The following DNAH5 variants were observed in gnomAD, a reference collection of about 807,000 sequenced individuals.
DNAH5 encodes dynein axonemal heavy chain 5, also known as axonemal beta dynein heavy chain 5.
A neutral mutation model predicts 518.2 loss-of-function variants in DNAH5; 372 were observed. The observed-to-expected ratio is 0.72, with a 90% confidence interval of 0.66 to 0.78. DNAH5 has a LOEUF of 0.78. Among genes scored for constraint, DNAH5 ranks in the 30% least tolerant of loss-of-function variants. The pLI, the probability that DNAH5 is intolerant of heterozygous loss-of-function variation, is 0.00. For missense variants in DNAH5, 5,523 were observed against 5,687.0 expected (o/e 0.97, Z 0.93); for synonymous variants, 2,039 against 2,025.9 (o/e 1.01, Z -0.17).
chr5:13,962,478 A>G (rs1781251564), intron 1 of DNAH5, among the ~76,000 whole-genome samples: 1 of 152,240 alleles, frequency 6.6e-6, no homozygotes, highest in Non-Finnish European at 1.5e-5. Flanking sequence ...ACAGTCTCAT[A>G]AAACCCAGAT....
intron 9 of DNAH5, among the ~76,000 whole-genome samples, chr5:13,916,040 C>A (rs1235148638): frequency 6.6e-6 from 1 of 151,826 alleles, no homozygotes; most frequent in Non-Finnish European, 1.5e-5. Context: ...TTAAAATTTA[C>A]CCAGTAGGAA....
chr5:13,792,038 G>C lies in DNAH5; in HGVS notation c.8404C>G (p.Gln2802Glu). 1 of 1,613,908 alleles carries C rather than the reference G, an allele frequency of 6.2e-7. No homozygotes were observed. The highest frequency in any genetic ancestry group is 2.2e-5 in the East Asian group (1 of 44,880). ...TCTGAAGTAGTGTTCAGCATTCCCTGCCAGACCCGAGAAAGATCTCGTAGG... is the reference window on the plus strand; with the variant it reads ...TCTGAAGTAGTGTTCAGCATTCCCTCCCAGACCCGAGAAAGATCTCGTAGG... ...FNLRDLSRVW[Q>E]GMLNTTSEVI... Residue 2802 changes from glutamine (Q) to glutamate (E), a missense_variant, in exon 50 of 79, where the codon CAG (glutamine) becomes GAG (glutamate). By Grantham distance (29) the Gln-to-Glu change is conservative (BLOSUM62 2). Transcript: ENST00000265104.
chr5:14,008,936 T>C (rs776581699), intron 1 of DNAH5, among the ~76,000 whole-genome samples: 2 of 152,210 alleles, frequency 1.3e-5, no homozygotes, highest in South Asian at 2.1e-4. Flanking sequence ...GGCCTGGCCA[T>C]GGGCCGGGCC....
intron 1 of DNAH5, among the ~76,000 whole-genome samples, chr5:13,984,999 C>T (rs975643604): frequency 2.0e-5 from 3 of 152,106 alleles, no homozygotes; most frequent in African/African-American, 7.2e-5. Flanking sequence ...TGCGGCACTA[C>T]TCACAATAGC....
chr5:13,850,917 T>C (rs944126550), intron 30 of DNAH5, 102 bp from the exon 31 acceptor site: 35 of 1,166,958 alleles, frequency 3.0e-5, no homozygotes, highest in Non-Finnish European at 4.0e-5. Context: ...CTTTAACCAG[T>C]CCAGATATCC....
rs1554010079 is a variant in DNAH5 at position 14,001,355 on chromosome 5, G to GT, written c.12+10292dup. Among the ~76,000 whole-genome samples the GT allele has an allele frequency of 2.7e-4, 41 of 151,870 alleles. No individual in the cohort carries two copies. In the Middle Eastern group the frequency reaches 0.014, roughly 50 times the overall value. On this transcript the variant is annotated intron_variant, in intron 1 of 78. Coordinates refer to the DNAH5 transcript ENST00000681290. ...CCCTTGAGATACTTAGTGATTTTTT[G>GT]TTTTTTTTGTTGTTGTTGTTGAGAC...
At chr5:13,823,438 G>T in intron 39 of DNAH5, 68 bp from the exon 40 acceptor site, 1 of 1,013,258 alleles carries the variant, frequency 9.9e-7, no homozygotes, top group Non-Finnish European at 1.6e-6. Context: ...CAGATAAACT[G>T]GAAATGCCCA....
Position 13,919,318 on chromosome 5 carries a change from GC to G in DNAH5, c.832del (p.Ala278ArgfsTer27), listed in dbSNP as rs727502977. On this transcript the variant is annotated frameshift_variant, in exon 7 of 79. Transcript: ENST00000265104. LOFTEE classifies it high-confidence loss of function. ...LAENNQLLKEADDVGPRAELE... is the reference protein window; with the variant it reads ...LAENNQLLKEXDDVGPRAELE... Reference sequence around the variant, plus strand: ...CTCCGCTCGTGGCCCAACGTCATCCGCTTCCTTCAGCAGCTGATTGTTTTCA... The same window carrying G: ...CTCCGCTCGTGGCCCAACGTCATCCGTTCCTTCAGCAGCTGATTGTTTTCA... 7 of 1,613,898 alleles carry G rather than the reference GC, an allele frequency of 4.3e-6. No individual in the cohort carries two copies. Among genetic ancestry groups the G allele is most frequent in the African/African-American group, 1.3e-5 (1 of 74,886 alleles).
intron 32 of DNAH5, among the ~76,000 whole-genome samples, chr5:13,842,428 A>AAAGAAAGG (rs1217430789): frequency 2.1e-5 from 1 of 47,684 alleles, no homozygotes; most frequent in East Asian, 5.7e-4. Flanking sequence ...AAAAGAAAAG[A>AAAGAAAGG]AAGAAAGAAA....
intron 13 of DNAH5, 149 bp from the exon 14 acceptor site, chr5:13,901,722 A>T: frequency 1.6e-6 from 1 of 623,522 alleles, no homozygotes; most frequent in Non-Finnish European, 2.6e-6. Flanking sequence ...ATATTAAAAG[A>T]ATAAAAATAA....
chr5:13,695,842 ACACATG>A (rs1196564584), intron 78 of DNAH5, among the ~76,000 whole-genome samples: 4 of 152,134 alleles, frequency 2.6e-5, no homozygotes, highest in Non-Finnish European at 5.9e-5. Flanking sequence ...ATACATACCC[ACACATG>A]CACATGCACA....
intron 4 of DNAH5, among the ~76,000 whole-genome samples, chr5:13,922,801 T>G (rs1164126845): frequency 2.6e-5 from 4 of 151,248 alleles, no homozygotes; most frequent in Non-Finnish European, 5.9e-5. Context: ...TAAATTGTAA[T>G]CATCAAAATA....
At chr5:13,808,336 G>T (rs1759997580) in intron 46 of DNAH5, among the ~76,000 whole-genome samples, 1 of 151,228 alleles carries the variant, frequency 6.6e-6, no homozygotes, top group East Asian at 1.9e-4. Context: ...CGCCTCTGAA[G>T]AACCCCAGCC....
chr5:13,708,565 T>G (rs1453096946), intron 75 of DNAH5, among the ~76,000 whole-genome samples: 1 of 151,896 alleles, frequency 6.6e-6, no homozygotes, highest in African/African-American at 2.4e-5. Flanking sequence ...CAGGCAGCCA[T>G]GAATTCACAG....
chr5:13,790,275 T>C (rs1290534168), intron 50 of DNAH5, among the ~76,000 whole-genome samples: 2 of 152,180 alleles, frequency 1.3e-5, no homozygotes, highest in Admixed American at 6.5e-5. Context: ...CTATTCACAA[T>C]AGCAAAGACA....
intron 1 of DNAH5, among the ~76,000 whole-genome samples, chr5:13,962,369 TAA>T (rs1452091601): frequency 2.6e-5 from 4 of 152,216 alleles, no homozygotes; most frequent in African/African-American, 9.6e-5. Flanking sequence ...TAGAAAACAA[TAA>T]GTTTCTCATA....
chr5:13,926,008 A>G (rs1777825303), intron 3 of DNAH5, among the ~76,000 whole-genome samples: 1 of 152,214 alleles, frequency 6.6e-6, no homozygotes, highest in Non-Finnish European at 1.5e-5. Flanking sequence ...TTTAGGAACA[A>G]AATGACTGGG....
Position 13,728,501 on chromosome 5 carries a change from G to A in DNAH5, c.11884-845C>T, listed in dbSNP as rs192466791. ...AGACTACTTAATATTGAGGGGTTTC[G>A]TGCATAAGATATCATCTCCAGAAGG... On this transcript the variant is annotated intron_variant, in intron 69 of 78. Coordinates refer to ENST00000265104, the MANE Select transcript of DNAH5 (RefSeq NM_001369.3). Among the ~76,000 whole-genome samples, 434 of 152,192 alleles carry A rather than the reference G, an allele frequency of 2.9e-3. 2 individuals carry two copies. The highest frequency in any genetic ancestry group is 7.9e-3 in the South Asian group (38 of 4,820).
In DNAH5 at chr5:13,740,495, A is replaced by G. The variant is rs1748326667; in HGVS notation, c.11212-3000T>C. On this transcript the variant is annotated intron_variant, in intron 65 of 78. Transcript: ENST00000265104. ...TTTCTCCCCTTTTTCACTTTGCTCT[A>G]GCCACGTTTGCTATTTCCTACATCA... Among the ~76,000 whole-genome samples, 2 of 152,076 alleles carry G rather than the reference A, an allele frequency of 1.3e-5. 1 individual carries two copies. The highest frequency in any genetic ancestry group is 4.1e-4 in the South Asian group (2 of 4,826).
Sources: allele counts gnomAD v4.1 joint callset (sites outside exome capture counted in the v4.1 genomes callset), GRCh38; gene constraint gnomAD v4.1.1; transcripts MANE v1.5; gene names NCBI Gene and HGNC (gene_info 2026-07-23, HGNC 2026-07-21).